MGMT: variants seen among roughly 807,000 people sequenced by gnomAD.
The protein encoded by MGMT is methylated-DNA--protein-cysteine methyltransferase.
MGMT carries 14 observed loss-of-function variants against 15.9 expected under a neutral mutation model. The observed-to-expected ratio is 0.88, with a 90% CI of 0.58 to 1.37. MGMT has a LOEUF of 1.37. Among genes scored for constraint, MGMT ranks in the 40% most tolerant of loss-of-function variants. The pLI is 0.00. For missense variants in MGMT, 282 were observed against 268.1 expected (o/e 1.05, Z -0.36); for synonymous variants, 130 against 118.2 (o/e 1.10, Z -0.65).
At chr10:129,683,775 G>A (rs1000099561) in intron 2 of MGMT, among the ~76,000 whole-genome samples, 13 of 152,134 alleles carry the variant, frequency 8.5e-5, no homozygotes, top group Admixed American at 3.3e-4. Context: ...GTAATAATCT[G>A]CTCCTATAAT....
At chr10:129,523,066 A>G (rs61539930) in intron 1 of MGMT, among the ~76,000 whole-genome samples, 1,764 of 152,342 alleles carry the variant, frequency 0.012, 26 homozygotes, top group African/African-American at 0.04. Context: ...TTCATTTTGA[A>G]CACCAGCCTG....
At chr10:129,498,850 A>G (rs1845548569) in intron 1 of MGMT, among the ~76,000 whole-genome samples, 1 of 152,042 alleles carries the variant, frequency 6.6e-6, no homozygotes, top group Non-Finnish European at 1.5e-5. Flanking sequence ...CTGCTGAGTC[A>G]CTGCTCTTCC....
chr10:129,766,262 C>G (rs1848932860), intron 4 of MGMT, among the ~76,000 whole-genome samples: 1 of 152,164 alleles, frequency 6.6e-6, no homozygotes, highest in Admixed American at 6.5e-5. Flanking sequence ...TGGCTGCGTT[C>G]CAGTAAAGCT....
chr10:129,508,552 TTA>T (rs137922230), intron 1 of MGMT, among the ~76,000 whole-genome samples: 9,247 of 150,548 alleles, frequency 0.061, 797 homozygotes, highest in African/African-American at 0.22. Context: ...GTTTGTTTTT[TTA>T]TTTCTTTTGA....
chr10:129,471,106 T>C lies in MGMT; in HGVS notation c.-13+3810T>C, dbSNP rs114253996. 3.9e-3 allele frequency among the ~76,000 whole-genome samples: 598 copies of C among 152,310 alleles called. 3 individuals are homozygous for C. The highest frequency in any genetic ancestry group is 0.013 in the African/African-American group (561 of 41,574). ...ATGGATAGTCCACCAGCGGCGTGGC[T>C]TGTGAAAGGAGGTACTTGTTAAATC... On this transcript the variant is annotated intron_variant, in intron 1 of 4. Coordinates refer to ENST00000651593, the MANE Select transcript of MGMT (RefSeq NM_002412.5).
chr10:129,489,753 A>G (rs1845449154), intron 1 of MGMT, among the ~76,000 whole-genome samples: 1 of 152,058 alleles, frequency 6.6e-6, no homozygotes, highest in Non-Finnish European at 1.5e-5. Context: ...ATCTTTTTCT[A>G]GGATTAGATT....
intron 2 of MGMT, among the ~76,000 whole-genome samples, chr10:129,559,118 C>T (rs1365938634): frequency 6.6e-6 from 1 of 152,168 alleles, no homozygotes; most frequent in Non-Finnish European, 1.5e-5. Flanking sequence ...TACCCTTAGG[C>T]ATTATCTTGC....
chr10:129,618,142 A>G lies in MGMT; in HGVS notation c.125+81765A>G, dbSNP rs77731165. 3.7e-3 allele frequency among the ~76,000 whole-genome samples: 567 copies of G among 152,230 alleles called. 4 individuals are homozygous for G. Among genetic ancestry groups the G allele is most frequent in the Non-Finnish European group, 6.7e-3 (459 of 68,026 alleles). On this transcript the variant is annotated intron_variant, in intron 2 of 4. Coordinates refer to ENST00000651593, the MANE Select transcript of MGMT (RefSeq NM_002412.5). ...TGGAAAAGGAAAAGAAACTAGATTT[A>G]CTTTTTAAAGTTTCTAGAACTTCTT...
At position 129,549,295 on chromosome 10, in the gene MGMT, T is replaced by C. The variant is rs559488467; in HGVS notation, c.125+12918T>C. ...AATCATGTGATATCCTCTCGTTTTT[T>C]GCATCAGAGTTTTCAAGAGCCCTCC... On this transcript the variant is annotated intron_variant, in intron 2 of 4. Coordinates refer to ENST00000651593, the MANE Select transcript of MGMT (RefSeq NM_002412.5). Among the ~76,000 whole-genome samples, 3 of 152,338 alleles carry C rather than the reference T, an allele frequency of 2.0e-5. No individual in the cohort carries two copies. The South Asian group carries it at 6.2e-4, about 32-fold the overall frequency.
intron 2 of MGMT, among the ~76,000 whole-genome samples, chr10:129,687,800 A>G (rs1209841874): frequency 2.6e-5 from 4 of 151,574 alleles, no homozygotes; most frequent in African/African-American, 4.9e-5. Context: ...TGCACCCATT[A>G]ACTCATCACT....
chr10:129,706,866 G>A (rs1228956269), intron 2 of MGMT, among the ~76,000 whole-genome samples: 1 of 152,122 alleles, frequency 6.6e-6, no homozygotes, highest in Non-Finnish European at 1.5e-5. Context: ...CGAAGCCACA[G>A]ATGAATGAAC....
chr10:129,650,601 A>G (rs949148375), intron 2 of MGMT, among the ~76,000 whole-genome samples: 11 of 152,186 alleles, frequency 7.2e-5, no homozygotes, highest in African/African-American at 1.7e-4. Context: ...CTTACTGAAC[A>G]TGAAATGTTG....
chr10:129,639,677 G>C (rs181018347), intron 2 of MGMT, among the ~76,000 whole-genome samples: 2 of 152,062 alleles, frequency 1.3e-5, no homozygotes, highest in Non-Finnish European at 2.9e-5. Context: ...TGTGGGTTGC[G>C]GCTAAAAGTG....
chr10:129,508,690 C>T (rs373268090), intron 1 of MGMT, among the ~76,000 whole-genome samples: 26 of 152,000 alleles, frequency 1.7e-4, no homozygotes, highest in African/African-American at 5.3e-4. Flanking sequence ...GGATTATAGG[C>T]GCCTGCCACA....
chr10:129,693,326 A>G (rs1183296004), intron 2 of MGMT, among the ~76,000 whole-genome samples: 1 of 152,190 alleles, frequency 6.6e-6, no homozygotes, highest in African/African-American at 2.4e-5. Flanking sequence ...TTAATTTGCA[A>G]TTGAAAGGTA....
chr10:129,581,773 T>G (rs914949646), intron 2 of MGMT, among the ~76,000 whole-genome samples: 2 of 152,206 alleles, frequency 1.3e-5, no homozygotes, highest in African/African-American at 4.8e-5. Context: ...GTGAGTTAGG[T>G]GTGGGCGTGA....
intron 2 of MGMT, among the ~76,000 whole-genome samples, chr10:129,629,622 T>C (rs56289293): frequency 0.026 from 3,917 of 152,312 alleles, 81 homozygotes; most frequent in South Asian, 0.061. Flanking sequence ...CTTTAGGATC[T>C]TTAGGATCAC....
intron 2 of MGMT, among the ~76,000 whole-genome samples, chr10:129,621,557 C>T (rs1357870047): frequency 6.6e-6 from 1 of 152,098 alleles, no homozygotes; most frequent in Non-Finnish European, 1.5e-5. Flanking sequence ...AACAGGGACG[C>T]ACGAGTGGGT....
rs938759790 is a variant in MGMT, at chr10:129,566,254, A to G, written c.125+29877A>G. 1.3e-4 allele frequency among the ~76,000 whole-genome samples: 20 copies of G among 152,290 alleles called. No homozygotes were observed. Among genetic ancestry groups the G allele is most frequent in the Middle Eastern group, 6.8e-3 (2 of 294 alleles). ...TCTAGGTGCCAGGGGCTCGGGACAC[A>G]GAGCTCCTGGAGGCCGAGCACAAGC... On this transcript the variant is annotated intron_variant, in intron 2 of 4. Transcript: ENST00000651593. The surrounding 1 kb of genome is among the most constrained non-coding windows in gnomAD (Gnocchi z 4.1).
Sources: gnomAD v4.1 joint callset for allele counts (sites outside exome capture counted in the v4.1 genomes callset) on GRCh38, gnomAD v4.1.1 for gene constraint, Gnocchi (gnomAD v3.1) non-coding constraint, MANE v1.5 for transcripts, NCBI Gene and HGNC (gene_info 2026-07-23, HGNC 2026-07-21) for gene names.